MYO5A: variants seen among roughly 807,000 people sequenced by gnomAD.
MYO5A encodes the protein unconventional myosin-Va.
In MYO5A, 98 loss-of-function variants were observed where a neutral mutation model predicts 249.7. The ratio of observed to expected loss-of-function variants is 0.39; its 90% CI spans 0.33 to 0.46. MYO5A has a LOEUF of 0.46. Ranked by LOEUF, MYO5A falls within the 20% of genes least tolerant of loss-of-function variation. MYO5A has a pLI of 0.98. For missense variants in MYO5A, 1,696 were observed against 2,308.8 expected, an observed-to-expected ratio of 0.73 and a Z score of 5.44; for synonymous variants, 778 against 810.6, an observed-to-expected ratio of 0.96 and a Z score of 0.68.
intron 30 of MYO5A, 101 bp downstream of exon 30, chr15:52,346,260 T>C (rs2039621974): frequency 2.7e-6 from 2 of 738,840 alleles, no homozygotes; most frequent in Admixed American, 2.1e-5. Flanking sequence ...TAATGTCTAA[T>C]ATAAAGGAAT....
chr15:52,363,203 G>C, intron 24 of MYO5A, among the ~76,000 whole-genome samples: 1 of 152,108 alleles, frequency 6.6e-6, no homozygotes, highest in Middle Eastern at 3.2e-3. Context: ...AATGGAACTG[G>C]GGAACATGAA....
rs538237024 is a variant in MYO5A at position 52,310,095 on chromosome 15, C to G, written c.*3601G>C. On this transcript the variant is annotated 3_prime_UTR_variant, in exon 42 of 42. Coordinates refer to ENST00000399233, the MANE Select transcript of MYO5A (RefSeq NM_001382347.1). ...CAGAAAGAGCCAACTATGAGCTATC[C>G]ATGGAAATGAAGAAATAACACAGCA... The G allele has an allele frequency of 1.1e-4, 17 of 152,290 alleles. No homozygotes were observed. In the South Asian group the frequency reaches 3.5e-3, roughly 32 times the overall value. 9.4% of individuals were successfully genotyped at this position (152,290 alleles called of 1,614,324 possible).
chr15:52,406,534 T>C (rs2043010955), intron 8 of MYO5A, among the ~76,000 whole-genome samples: 1 of 152,232 alleles, frequency 6.6e-6, no homozygotes, highest in South Asian at 2.1e-4. Context: ...AGGCCCACAA[T>C]GGTCCTGGTC....
intron 1 of MYO5A, among the ~76,000 whole-genome samples, chr15:52,489,302 T>C (rs979705748): frequency 1.1e-4 from 16 of 152,280 alleles, no homozygotes; most frequent in East Asian, 3.9e-4. Context: ...CGGTGGCTCA[T>C]GCCTGTAATC....
chr15:52,497,398 C>T (rs2077058873), intron 1 of MYO5A, among the ~76,000 whole-genome samples: 2 of 146,258 alleles, frequency 1.4e-5, no homozygotes, highest in Admixed American at 7.2e-5. Context: ...GAGCAGATGT[C>T]CTGAAATAGC....
At chr15:52,355,072 G>A (rs1218041639) in intron 25 of MYO5A, among the ~76,000 whole-genome samples, 1 of 152,164 alleles carries the variant, frequency 6.6e-6, no homozygotes, top group African/African-American at 2.4e-5. Flanking sequence ...CTATGGGAAG[G>A]TTTCATTTTT....
chr15:52,320,584 T>A (rs926703024), intron 38 of MYO5A, among the ~76,000 whole-genome samples: 1 of 152,114 alleles, frequency 6.6e-6, no homozygotes, highest in African/African-American at 2.4e-5. Flanking sequence ...GCTTTTGATG[T>A]CTCAAATAGC....
intron 34 of MYO5A, among the ~76,000 whole-genome samples, chr15:52,334,676 A>G (rs1248671523): frequency 6.6e-6 from 1 of 152,240 alleles, no homozygotes. Context: ...CTCAACAAAC[A>G]TTTATGGAAT....
rs1013725259 is a variant in MYO5A at position 52,345,707 on chromosome 15, A to G, written c.3959+654T>C. ...GGTTGACTCCACAGATAGGGATCCAATGGATATTGAGGGCTGACTGCACCT... is the reference window on the plus strand; with the variant it reads ...GGTTGACTCCACAGATAGGGATCCAGTGGATATTGAGGGCTGACTGCACCT... On this transcript the variant is annotated intron_variant, in intron 30 of 41. Transcript: ENST00000399233. 2.0e-5 allele frequency among the ~76,000 whole-genome samples: 3 copies of G among 152,324 alleles called. No individual in the cohort carries two copies. In the South Asian group the frequency reaches 6.2e-4, roughly 32 times the overall value.
chr15:52,383,050 A>G (rs889644405), intron 16 of MYO5A, 41 bp downstream of exon 16: 1 of 1,503,252 alleles, frequency 6.7e-7, no homozygotes, highest in East Asian at 2.3e-5. Flanking sequence ...CACTTCTTAT[A>G]AGATATGTAC....
chr15:52,389,261 T>G lies in MYO5A; in HGVS notation c.1645A>C (p.Ile549Leu). ...EKPRLSNKAF[I>L]IQHFADKVEY... ...ACTTTGTCAGCAAAATGTTGGATGA[T>G]GAAAGCTTTGTTTGATAGACGAGGC... The change falls in exon 13 of 42, where the codon ATC becomes CTC. Residue 549 changes from isoleucine (I) to leucine (L), a missense_variant. Physicochemically the swap from Ile to Leu is conservative, Grantham distance 5. Coordinates refer to ENST00000399233, the MANE Select transcript of MYO5A (RefSeq NM_001382347.1). The G allele has an allele frequency of 2.1e-5, 34 of 1,613,574 alleles. No homozygotes were observed. The highest frequency in any genetic ancestry group is 2.9e-5 in the Non-Finnish European group (34 of 1,179,606).
chr15:52,445,682 G>T (rs2075874024), intron 1 of MYO5A, among the ~76,000 whole-genome samples: 1 of 152,218 alleles, frequency 6.6e-6, no homozygotes, highest in African/African-American at 2.4e-5. Flanking sequence ...TGAAGGCCAG[G>T]CTGAGAAGGT....
At chr15:52,422,450 T>C (rs1174148699) in intron 4 of MYO5A, among the ~76,000 whole-genome samples, 1 of 152,138 alleles carries the variant, frequency 6.6e-6, no homozygotes, top group East Asian at 1.9e-4. Flanking sequence ...ATCTTCTACA[T>C]CTCAATAAAC....
At chr15:52,326,354 T>A (rs2038604691) in intron 36 of MYO5A, among the ~76,000 whole-genome samples, 1 of 152,234 alleles carries the variant, frequency 6.6e-6, no homozygotes, top group African/African-American at 2.4e-5. Context: ...ATAGTTTATC[T>A]AAGTACAATA....
At chr15:52,353,100 A>G (rs1383894582) in intron 27 of MYO5A, among the ~76,000 whole-genome samples, 2 of 152,226 alleles carry the variant, frequency 1.3e-5, no homozygotes, top group Admixed American at 1.3e-4. Context: ...CAATAAGTCT[A>G]GTAGTGTGAG....
At chr15:52,480,311 C>T (rs2076689399) in intron 1 of MYO5A, among the ~76,000 whole-genome samples, 2 of 152,218 alleles carry the variant, frequency 1.3e-5, no homozygotes, top group African/African-American at 2.4e-5. Flanking sequence ...GATCTATTTA[C>T]AGTCAGCTTT....
intron 1 of MYO5A, among the ~76,000 whole-genome samples, chr15:52,474,276 A>G (rs1361981297): frequency 6.6e-6 from 1 of 152,220 alleles, no homozygotes; most frequent in African/African-American, 2.4e-5. Context: ...TATCAGCTTA[A>G]GGAGATTTGG....
In MYO5A at chr15:52,366,965, T is replaced by C. The variant is rs1555434659; in HGVS notation, c.3160+66A>G. Reference sequence around the variant, plus strand: ...AAATAATGTTGTGTAACTCATCAAATGACATTGTAACTTACATAACTTTGG... The same window carrying C: ...AAATAATGTTGTGTAACTCATCAAACGACATTGTAACTTACATAACTTTGG... On this transcript the variant is annotated intron_variant, in intron 23 of 41. Coordinates refer to ENST00000399233, the MANE Select transcript of MYO5A (RefSeq NM_001382347.1). 3.9e-6 allele frequency: 5 copies of C among 1,281,960 alleles called. No individual in the cohort carries two copies. In the South Asian group the frequency reaches 5.9e-5, roughly 15 times the overall value. 79.4% of individuals were successfully genotyped at this position (1,281,960 alleles called of 1,614,324 possible).
chr15:52,470,904 T>C (rs1254448457), intron 1 of MYO5A, among the ~76,000 whole-genome samples: 1 of 151,224 alleles, frequency 6.6e-6, no homozygotes, highest in African/African-American at 2.4e-5. Flanking sequence ...GCGCCTGTAG[T>C]CCCAGCTACT....
Sources: allele counts gnomAD v4.1 joint callset (sites outside exome capture counted in the v4.1 genomes callset), GRCh38; gene constraint gnomAD v4.1.1; transcripts MANE v1.5; gene names NCBI Gene and HGNC (gene_info 2026-07-23, HGNC 2026-07-21).